The following PDE4DIP variants were observed in gnomAD, a reference collection of about 807,000 sequenced individuals.
The protein encoded by PDE4DIP is myomegalin.
In PDE4DIP, 59 loss-of-function variants were observed where a neutral mutation model predicts 221.4. The observed-to-expected ratio is 0.27, with a 90% CI of 0.22 to 0.33. The LOEUF is 0.33. Among genes scored for constraint, PDE4DIP ranks in the 10% least tolerant of loss-of-function variants. PDE4DIP has a pLI of 1.00. For missense variants in PDE4DIP, 1,036 were observed against 2,154.2 expected (o/e 0.48, Z 10.28); for synonymous variants, 404 against 815.9 (o/e 0.50, Z 8.60).
At chr1:148,951,536 G>A (rs1272620112) in intron 5 of PDE4DIP, among the ~76,000 whole-genome samples, 1 of 152,246 alleles carries the variant, frequency 6.6e-6, no homozygotes, top group African/African-American at 2.4e-5. Context: ...CAGCTCTTAC[G>A]GAAAGAAGCA....
At chr1:148,826,184 C>T (rs1192996437) in intron 1 of PDE4DIP, among the ~76,000 whole-genome samples, 1 of 97,290 alleles carries the variant, frequency 1.0e-5, no homozygotes, top group Non-Finnish European at 2.2e-5. Flanking sequence ...TTTTTTCCCT[C>T]CCTCTATCTC....
chr1:148,990,151 A>G, intron 21 of PDE4DIP: 1 of 888,722 alleles, frequency 1.1e-6, no homozygotes, highest in Non-Finnish European at 1.3e-6. Context: ...CCATGAGATC[A>G]GCCTGGGCCA....
chr1:148,823,922 G>T (rs1224389755), intron 1 of PDE4DIP, among the ~76,000 whole-genome samples: 1 of 150,634 alleles, frequency 6.6e-6, no homozygotes, highest in Admixed American at 6.6e-5. Context: ...CTGATGTGCA[G>T]CGTTAAAAAA....
chr1:148,952,401 T>A lies in PDE4DIP; in HGVS notation c.637-8253T>A, dbSNP rs587629316. ...TCCTCCATCCCCGAGGCTTTGCGTC[T>A]GCGCGGCCGGCCGCTGCTGCTCCGG... On this transcript the variant is annotated intron_variant, in intron 5 of 43. Coordinates refer to ENST00000369354, the Ensembl canonical transcript of PDE4DIP. 6.2e-5 allele frequency: 67 copies of A among 1,084,710 alleles called. 1 individual carries two copies. Among genetic ancestry groups the A allele is most frequent in the Non-Finnish European group, 7.3e-5 (65 of 893,576 alleles). 67.2% of individuals were successfully genotyped at this position (1,084,710 alleles called of 1,614,324 possible).
chr1:148,969,768 G>C (rs587721723), intron 14 of PDE4DIP, among the ~76,000 whole-genome samples: 12 of 149,746 alleles, frequency 8.0e-5, no homozygotes, highest in Non-Finnish European at 1.8e-4. Flanking sequence ...GTGCGATGGC[G>C]CAATCTTGGC....
intron 37 of PDE4DIP, 173 bp downstream of exon 40, chr1:149,021,326 G>A (rs2072820120): frequency 3.3e-6 from 2 of 606,198 alleles, no homozygotes; most frequent in Non-Finnish European, 6.0e-6. Context: ...AGCCCAACGG[G>A]ACAGGTTGGT....
chr1:148,937,473 C>G (rs2049467396), intron 4 of PDE4DIP, among the ~76,000 whole-genome samples: 1 of 152,098 alleles, frequency 6.6e-6, no homozygotes, highest in Non-Finnish European at 1.5e-5. Context: ...GCCCTTATTC[C>G]AAGAGTTAAA....
At position 148,990,543 on chromosome 1, in the gene PDE4DIP, G is replaced by T. The variant is rs587609585; in HGVS notation, c.2816-1342G>T. On this transcript the variant is annotated intron_variant, in intron 21 of 43. Transcript: ENST00000369354. ...TTGTCACCAGAAGGAAAAGTGAGTG[G>T]CTTCTGTCTAAGAGTCCAGAGTCTT... Among the ~76,000 whole-genome samples, 3 of 152,038 alleles carry T rather than the reference G, an allele frequency of 2.0e-5. No homozygotes were observed. The South Asian group carries it at 6.2e-4, about 32-fold the overall frequency.
At chr1:148,961,470 G>T (rs71664017) in intron 6 of PDE4DIP, among the ~76,000 whole-genome samples, 1 of 142,382 alleles carries the variant, frequency 7.0e-6, no homozygotes, top group Non-Finnish European at 1.6e-5. Context: ...TGTGGCCTGG[G>T]TGCCCTTATA....
intron 1 of PDE4DIP, among the ~76,000 whole-genome samples, chr1:148,918,658 C>CACACACACA (rs1573382408): frequency 1.5e-5 from 2 of 137,872 alleles, no homozygotes; most frequent in Non-Finnish European, 1.6e-5. Flanking sequence ...CACACACACA[C>CACACACACA]CCTAGCTGTG....
chr1:148,862,089 A>G (rs1201190702), intron 1 of PDE4DIP, among the ~76,000 whole-genome samples: 1 of 125,402 alleles, frequency 8.0e-6, no homozygotes, highest in East Asian at 2.3e-4. Context: ...GCCTGTCCTT[A>G]TGGCTTCATA....
At chr1:148,866,900 T>C in intron 2 of PDE4DIP, among the ~76,000 whole-genome samples, 1 of 19,218 alleles carries the variant, frequency 5.2e-5, no homozygotes, top group African/African-American at 5.4e-4. Flanking sequence ...CTGTAGCGCT[T>C]AATGCTTTGC....
chr1:148,947,172 G>T (rs879994154), intron 5 of PDE4DIP, among the ~76,000 whole-genome samples: 1 of 152,060 alleles, frequency 6.6e-6, no homozygotes, highest in African/African-American at 2.4e-5. Flanking sequence ...CAACCTATGC[G>T]TATTTAATAA....
At chr1:148,912,278 T>C (rs1246639324) in intron 1 of PDE4DIP, among the ~76,000 whole-genome samples, 1 of 146,964 alleles carries the variant, frequency 6.8e-6, no homozygotes, top group Admixed American at 6.7e-5. Flanking sequence ...ACTCATTCTT[T>C]GCACTTGGCA....
At chr1:148,988,383 AC>A (rs1553552597) in intron 21 of PDE4DIP, among the ~76,000 whole-genome samples, 1 of 116,902 alleles carries the variant, frequency 8.6e-6, no homozygotes, top group East Asian at 2.4e-4. Context: ...TTTAAAGTTC[AC>A]AACAGTATGG....
chr1:149,028,886 C>T (rs1342149218), intron 41 of PDE4DIP, among the ~76,000 whole-genome samples, 183 bp downstream of exon 44: 6 of 152,166 alleles, frequency 3.9e-5, no homozygotes, highest in African/African-American at 1.4e-4. Context: ...GCTTTCATTA[C>T]AGCTCTGAAT....
At chr1:149,032,626 C>T (rs2076989934) in exon 44 of PDE4DIP, 3 of 235,520 alleles carry the variant, frequency 1.3e-5, no homozygotes, top group Non-Finnish European at 2.5e-5. Flanking sequence ...CTTAACCTAG[C>T]ACATCCTATT....
chr1:149,028,487 C>G, intron 40 of PDE4DIP, 73 bp from the exon 44 acceptor site: 1 of 1,409,954 alleles, frequency 7.1e-7, no homozygotes, highest in South Asian at 1.3e-5. Flanking sequence ...ATGCCTCACT[C>G]ACAAAGGAAG....
chr1:148,949,219 AATAC>A (rs1309740201), intron 5 of PDE4DIP, among the ~76,000 whole-genome samples: 1 of 151,792 alleles, frequency 6.6e-6, no homozygotes, highest in Admixed American at 6.6e-5. Context: ...TAAAGTATGT[AATAC>A]ATAATGTAAA....
Sources: allele counts gnomAD v4.1 joint callset (sites outside exome capture counted in the v4.1 genomes callset), GRCh38; gene constraint gnomAD v4.1.1; transcripts MANE v1.5; gene names NCBI Gene and HGNC (gene_info 2026-07-23, HGNC 2026-07-21).